Variants in DCDC1 observed in about 807,000 individuals in gnomAD.
The protein encoded by DCDC1 is doublecortin domain containing 1, also known as doublecortin domain-containing protein 1.
DCDC1 carries 200 observed loss-of-function variants against 178.3 expected under a neutral mutation model. The observed-to-expected ratio is 1.12, with a 90% confidence interval of 1.00 to 1.26. The LOEUF (loss-of-function observed/expected upper bound fraction) is 1.26. DCDC1 is among the 50% of genes most tolerant of loss of function. The pLI is 0.00. For missense variants in DCDC1, 1,983 were observed against 1,749.2 expected, an observed-to-expected ratio of 1.13 and a Z score of -2.38; for synonymous variants, 690 against 604.8, an observed-to-expected ratio of 1.14 and a Z score of -2.07.
chr11:30,925,633 T>C (rs934021348), intron 22 of DCDC1, among the ~76,000 whole-genome samples: 1 of 152,194 alleles, frequency 6.6e-6, no homozygotes, highest in Non-Finnish European at 1.5e-5. Context: ...GCTAGATTTC[T>C]TACCTTCCAG....
intron 17 of DCDC1, among the ~76,000 whole-genome samples, chr11:31,088,943 G>T (rs1957636077): frequency 6.6e-6 from 1 of 152,084 alleles, no homozygotes; most frequent in African/African-American, 2.4e-5. Context: ...CAAGTGATCT[G>T]CCCACCTCAG....
intron 6 of DCDC1, among the ~76,000 whole-genome samples, chr11:31,301,036 A>G (rs1232863360): frequency 6.6e-6 from 1 of 152,206 alleles, no homozygotes. Flanking sequence ...ATCCACACCT[A>G]TTTTATATAC....
chr11:31,133,829 G>A (rs561753451), intron 10 of DCDC1, among the ~76,000 whole-genome samples: 53 of 152,204 alleles, frequency 3.5e-4, no homozygotes, highest in Middle Eastern at 3.4e-3. Flanking sequence ...TCAGCCTCCT[G>A]AGTAGCTGGG....
intron 6 of DCDC1, among the ~76,000 whole-genome samples, chr11:31,302,679 T>C (rs1164552623): frequency 1.3e-5 from 2 of 152,136 alleles, no homozygotes; most frequent in Non-Finnish European, 2.9e-5. Flanking sequence ...TATGAAAGCT[T>C]TGTGTTTCAA....
At chr11:31,182,102 C>T (rs1968877455) in intron 9 of DCDC1, among the ~76,000 whole-genome samples, 1 of 152,042 alleles carries the variant, frequency 6.6e-6, no homozygotes, top group Admixed American at 6.6e-5. Context: ...GTGAAAAGAC[C>T]AAACCTACGT....
intron 20 of DCDC1, among the ~76,000 whole-genome samples, chr11:30,981,681 A>G (rs933252011): frequency 6.6e-5 from 10 of 152,202 alleles, no homozygotes; most frequent in African/African-American, 1.7e-4. Flanking sequence ...TATTAATTCA[A>G]TAGGAGTTTA....
At chr11:31,163,444 CATTT>C (rs1285801129) in intron 9 of DCDC1, among the ~76,000 whole-genome samples, 3 of 152,004 alleles carry the variant, frequency 2.0e-5, no homozygotes, top group African/African-American at 4.8e-5. Flanking sequence ...TATTCCCATT[CATTT>C]GTTTTGTTCT....
rs147665580 is a variant in DCDC1 at position 31,055,563 on chromosome 11, G to C, written c.2591+8906C>G. Among the ~76,000 whole-genome samples, 187 of 152,306 alleles carry C rather than the reference G, an allele frequency of 1.2e-3. 2 individuals carry two copies. Among genetic ancestry groups the C allele is most frequent in the African/African-American group, 4.2e-3 (175 of 41,568 alleles). ...AGATTCTTGCACATGCGTGTTTATA[G>C]CAGCACAATTTGCAATTGCAGAATT... On this transcript the variant is annotated intron_variant, in intron 20 of 38. Coordinates refer to ENST00000684477, the MANE Select transcript of DCDC1 (RefSeq NM_001387274.1).
At position 30,863,932 on chromosome 11, in the gene DCDC1, G is replaced by C. The variant is rs1373127222; in HGVS notation, c.*1441C>G. 6.6e-6 allele frequency: 1 copy of C among 152,198 alleles called. No individual in the cohort carries two copies. The highest frequency in any genetic ancestry group is 2.4e-5 in the African/African-American group (1 of 41,438). The allele number at this position is 152,198 out of a possible 1,614,324, so 9.4% of individuals were successfully genotyped here. On this transcript the variant is annotated 3_prime_UTR_variant, in exon 39 of 39. Transcript: ENST00000684477. Reference sequence around the variant, plus strand: ...ACCTGAGGTCAGGAGTTTGAGACCAGCTTGACCAACAAGGTGAAACCCCAT... The same window carrying C: ...ACCTGAGGTCAGGAGTTTGAGACCACCTTGACCAACAAGGTGAAACCCCAT...
rs1218408392 is a variant in DCDC1, at chr11:30,871,868, ATATACATATG to A, written c.*41-6546_*41-6537del. 2.6e-3 allele frequency among the ~76,000 whole-genome samples: 398 copies of A among 150,638 alleles called. 1 individual carries two copies. The highest frequency in any genetic ancestry group is 4.6e-3 in the Non-Finnish European group (311 of 67,908). On this transcript the variant is annotated intron_variant, in intron 38 of 38. Transcript: ENST00000684477. The stretch of plus-strand genomic sequence containing the variant: ...GTGTATTAAGTACACTTAGACACAC[ATATACATATG>A]TATACATATATATACACATATATAT...
intron 26 of DCDC1, 117 bp downstream of exon 26, chr11:30,916,753 A>C: frequency 1.7e-6 from 2 of 1,165,188 alleles, no homozygotes; most frequent in Non-Finnish European, 2.3e-6. Context: ...AAAAATGTGC[A>C]TGTTGATAGA....
chr11:31,365,695 A>T (rs1951923417), intron 1 of DCDC1, among the ~76,000 whole-genome samples: 1 of 152,172 alleles, frequency 6.6e-6, no homozygotes, highest in Admixed American at 6.5e-5. Flanking sequence ...ATCATGACAA[A>T]GGATCTTAAA....
chr11:31,133,303 G>C (rs549239497), intron 10 of DCDC1, among the ~76,000 whole-genome samples: 1 of 152,148 alleles, frequency 6.6e-6, no homozygotes, highest in South Asian at 2.1e-4. Flanking sequence ...CAGCACAAAC[G>C]GTGGCAGCCT....
intron 22 of DCDC1, among the ~76,000 whole-genome samples, chr11:30,928,283 G>C (rs1409962059): frequency 6.6e-6 from 1 of 152,040 alleles, no homozygotes; most frequent in African/African-American, 2.4e-5. Context: ...GCCCTCACCA[G>C]ATGCAGATGC....
At chr11:31,203,889 T>C (rs2616791) in intron 9 of DCDC1, among the ~76,000 whole-genome samples, 107,317 of 152,088 alleles carry the variant, frequency 0.71, 39,113 homozygotes, top group East Asian at 0.96. Context: ...ATAAAATGTA[T>C]GTCAGAAAAC....
chr11:31,153,997 C>G (rs1011880335), intron 9 of DCDC1, among the ~76,000 whole-genome samples: 3 of 152,062 alleles, frequency 2.0e-5, no homozygotes, highest in South Asian at 4.1e-4. Flanking sequence ...GGGGGAGGGA[C>G]CTGGTGGGAG....
intron 20 of DCDC1, among the ~76,000 whole-genome samples, chr11:30,971,369 C>T (rs896578948): frequency 2.0e-5 from 3 of 151,858 alleles, no homozygotes; most frequent in Admixed American, 6.6e-5. Flanking sequence ...AATAATGATA[C>T]TAAAGAAGCT....
chr11:30,952,361 A>G (rs866619639), intron 21 of DCDC1, 84 bp downstream of exon 21: 1 of 1,274,524 alleles, frequency 7.8e-7, no homozygotes, highest in Admixed American at 2.6e-5. Context: ...TTCAAAAGCT[A>G]TATGGAAGTT....
At chr11:31,074,268 T>C (rs1215412325) in intron 18 of DCDC1, among the ~76,000 whole-genome samples, 1 of 151,986 alleles carries the variant, frequency 6.6e-6, no homozygotes, top group Non-Finnish European at 1.5e-5. Flanking sequence ...GACTTTGGAG[T>C]TACGGGAAGC....
Sources: gnomAD v4.1 joint callset for allele counts (sites outside exome capture counted in the v4.1 genomes callset) on GRCh38, gnomAD v4.1.1 for gene constraint, MANE v1.5 for transcripts, NCBI Gene and HGNC (gene_info 2026-07-23, HGNC 2026-07-21) for gene names.